TRPM5: variants seen among roughly 807,000 people sequenced by gnomAD.
TRPM5 encodes the protein MLSN1 and TRP-related.
Under a neutral mutation model 124.9 loss-of-function variants are expected in TRPM5, and 121 were observed. That is an observed-to-expected ratio of 0.97 (90% confidence interval 0.84 to 1.13). The LOEUF is 1.13. TRPM5 is among the 50% of genes most tolerant of loss of function. The pLI is 0.00. For missense variants in TRPM5, 1,643 were observed against 1,589.1 expected (o/e 1.03, Z -0.58); for synonymous variants, 781 against 700.5 (o/e 1.11, Z -1.81).
the TRPM5 span, among the ~76,000 whole-genome samples, chr11:2,429,872 A>G: frequency 6.6e-6 from 1 of 152,086 alleles, no homozygotes. This position sits in a 1 kb window ranked among gnomAD's most constrained non-coding sequence, Gnocchi z 8.4. Context: ...GGTTTCCTCC[A>G]TGCTGTTCTC....
At chr11:2,420,467 C>A (rs1008763220) in intron 3 of TRPM5, 62 bp from the exon 9 acceptor site, 13 of 1,508,968 alleles carry the variant, frequency 8.6e-6, no homozygotes, top group East Asian at 2.3e-5. Context: ...GGTCCCGCTG[C>A]GGGATCCTCC....
chr11:2,420,145 C>T (rs1234264361), intron 4 of TRPM5, 77 bp downstream of exon 9: 2 of 1,498,748 alleles, frequency 1.3e-6, no homozygotes, highest in Non-Finnish European at 1.8e-6. Context: ...TGGCGGTCAC[C>T]CCCACTCTCC....
the TRPM5 span, among the ~76,000 whole-genome samples, chr11:2,429,015 A>C: frequency 7.1e-6 from 1 of 140,246 alleles, no homozygotes; most frequent in Non-Finnish European, 1.6e-5. The surrounding 1 kb of genome is among the most constrained non-coding windows in gnomAD (Gnocchi z 8.4). Flanking sequence ...TGGTGGTGAT[A>C]ATGATTGTGG....
In TRPM5 at chr11:2,418,153, G is replaced by T. The variant is rs545979378; in HGVS notation, c.906+14C>A. 91 of 1,538,370 alleles carry T rather than the reference G, an allele frequency of 5.9e-5. No homozygotes were observed. In the South Asian group the frequency reaches 1.0e-3, roughly 17 times the overall value. On this transcript the variant is annotated intron_variant, in intron 6 of 23. Transcript: ENST00000155858. ...AGGAGGGGTCGGGAGGACAGGGGAG[G>T]GGGCAGCACATACCAGCTTGGTCCA... is the stretch of plus-strand genomic sequence containing the variant.
At chr11:2,413,664 C>T in intron 12 of TRPM5, 76 bp from the exon 18 acceptor site, 1 of 1,362,118 alleles carries the variant, frequency 7.3e-7, no homozygotes, top group Non-Finnish European at 1.0e-6. Flanking sequence ...GAATGCCCTT[C>T]CCCCAGGTGC....
At chr11:2,412,805 C>A in exon 15 of TRPM5, 1 of 1,607,116 alleles carries the variant, frequency 6.2e-7, no homozygotes, top group Non-Finnish European at 8.5e-7. Context: ...AGAGGGTGAC[C>A]TCGGGCCCTG....
At chr11:2,430,148 G>C in the TRPM5 span, among the ~76,000 whole-genome samples, 1 of 152,124 alleles carries the variant, frequency 6.6e-6, no homozygotes, top group East Asian at 1.9e-4. Flanking sequence ...CTATTACCCT[G>C]ACAATAAAAC....
At chr11:2,421,334 G>A in intron 2 of TRPM5, 136 bp from the exon 8 acceptor site, 1 of 1,142,664 alleles carries the variant, frequency 8.8e-7, no homozygotes, top group South Asian at 1.6e-5. Context: ...ATGCCTCACG[G>A]TGGGGTGGGG....
chr11:2,422,840 C>T, intron 1 of TRPM5, 80 bp downstream of exon 6: 2 of 1,275,820 alleles, frequency 1.6e-6, no homozygotes, highest in Non-Finnish European at 2.3e-6. Context: ...CCCTGGCACT[C>T]AGCTTCCAGG....
chr11:2,415,380 G>C lies in TRPM5; in HGVS notation c.1220C>G (p.Ala407Gly), dbSNP rs768497558. 6.0e-5 allele frequency: 95 copies of C among 1,589,908 alleles called. No individual in the cohort carries two copies. Among genetic ancestry groups the C allele is most frequent in the Non-Finnish European group, 7.8e-5 (92 of 1,176,132 alleles). Residue 407 changes from alanine to glycine, a missense_variant, in exon 9 of 24, where the codon GCC (alanine) becomes GGC (glycine). Physicochemically the swap from Ala to Gly is moderately conservative, Grantham distance 60. Coordinates refer to ENST00000155858, the Ensembl canonical transcript of TRPM5. The stretch of plus-strand genomic sequence containing the variant: ...CAGCCGCCCATACGTCAGGAAGTCG[G>C]CCACGTCTGCGCCGTTGTCCACAAA...
chr11:2,405,672 T>C (rs1480921585), intron 22 of TRPM5, 79 bp from the exon 28 acceptor site: 12 of 1,454,482 alleles, frequency 8.3e-6, no homozygotes, highest in Non-Finnish European at 1.0e-5. Flanking sequence ...CCATCTCCCC[T>C]CTCCTGCCAG....
At chr11:2,417,767 G>A (rs574197371) in exon 7 of TRPM5, 13 of 1,462,532 alleles carry the variant, frequency 8.9e-6, no homozygotes, top group Admixed American at 1.9e-5. Flanking sequence ...CCAGCTCCTC[G>A]GAGCCCTCCT....
chr11:2,413,032 G>C lies in TRPM5; in HGVS notation c.2097-20C>G. Reference sequence around the variant, plus strand: ...TCCACCCTGTGCCGCAGAGAAGTTCGCAGTGGTGAGGCTGGCGCCCAGCCG... The same window carrying C: ...TCCACCCTGTGCCGCAGAGAAGTTCCCAGTGGTGAGGCTGGCGCCCAGCCG... On this transcript the variant is annotated intron_variant, in intron 14 of 23. Transcript: ENST00000155858. 1 of 1,591,084 alleles carries C rather than the reference G, an allele frequency of 6.3e-7. No individual in the cohort carries two copies. Among genetic ancestry groups the C allele is most frequent in the Non-Finnish European group, 8.5e-7 (1 of 1,169,684 alleles).
the TRPM5 span, among the ~76,000 whole-genome samples, chr11:2,442,887 C>T: frequency 6.6e-6 from 1 of 152,220 alleles, no homozygotes; most frequent in African/African-American, 2.4e-5. This position sits in a 1 kb window ranked among gnomAD's most constrained non-coding sequence, Gnocchi z 5.9. Flanking sequence ...CTCATGTCTT[C>T]TGCTCCCTTT....
chr11:2,415,137 C>T, exon 9 of TRPM5: 1 of 1,569,888 alleles, frequency 6.4e-7, no homozygotes, highest in Non-Finnish European at 8.6e-7. Context: ...CCTGCGGTCC[C>T]CTGGCCGGCC....
exon 2 of TRPM5, chr11:2,422,249 C>A: frequency 6.2e-7 from 1 of 1,612,432 alleles, no homozygotes; most frequent in Non-Finnish European, 8.5e-7. Context: ...AGGTTGGGGG[C>A]CGGCAGGTGC....
intron 2 of TRPM5, 43 bp from the exon 8 acceptor site, chr11:2,421,241 G>A: frequency 6.6e-7 from 1 of 1,516,128 alleles, no homozygotes. Flanking sequence ...CACGCCCCAG[G>A]TCTTCCCTAG....
chr11:2,411,536 G>T lies in TRPM5; in HGVS notation c.2608-10C>A. The T allele has an allele frequency of 6.2e-7, 1 of 1,608,254 alleles. No homozygotes were observed. Among genetic ancestry groups the T allele is most frequent in the African/African-American group, 1.3e-5 (1 of 75,008 alleles). On this transcript the variant is annotated splice_polypyrimidine_tract_variant and intron_variant, in intron 17 of 23. Coordinates refer to ENST00000155858, the Ensembl canonical transcript of TRPM5. ...AGAAGACGTCCTTCATCTCCACGGG[G>T]CAGGGGCAGAGAGAGGGACGTCAGC...
chr11:2,443,966 C>T, the TRPM5 span, among the ~76,000 whole-genome samples: 11 of 152,196 alleles, frequency 7.2e-5, no homozygotes, highest in Non-Finnish European at 1.0e-4. This position sits in a 1 kb window ranked among gnomAD's most constrained non-coding sequence, Gnocchi z 5.0. Context: ...AGCGCGGTCT[C>T]GACGGTGGGG....
Sources: gnomAD v4.1 joint callset for allele counts (sites outside exome capture counted in the v4.1 genomes callset) on GRCh38, gnomAD v4.1.1 for gene constraint, Gnocchi (gnomAD v3.1) non-coding constraint, MANE v1.5 for transcripts, NCBI Gene and HGNC (gene_info 2026-07-23, HGNC 2026-07-21) for gene names.